Variants in FOCAD observed in about 807,000 individuals in gnomAD.
The protein encoded by FOCAD is KIAA1797.
FOCAD carries 198 observed loss-of-function variants against 225.6 expected under a neutral mutation model. The ratio of observed to expected loss-of-function variants is 0.88; its 90% CI spans 0.78 to 0.99. FOCAD has a LOEUF of 0.99. FOCAD is among the 50% of genes least tolerant of loss of function. The pLI, the probability that FOCAD is intolerant of heterozygous loss-of-function variation, is 0.00. For missense variants in FOCAD, 2,713 were observed against 2,123.6 expected (o/e 1.28, Z -5.46); for synonymous variants, 897 against 755.0 (o/e 1.19, Z -3.08).
Position 20,743,315 on chromosome 9 carries a change from A to G in FOCAD, c.392+2975A>G, listed in dbSNP as rs530683907. On this transcript the variant is annotated intron_variant, in intron 5 of 43. Coordinates refer to ENST00000338382, the MANE Select transcript of FOCAD (RefSeq NM_001375567.1). ...GCAAATAAGTGTAAGCTTTCTGAGC[A>G]TGCAGCTAATCTGTGTTTTTATGGT... is the stretch of plus-strand genomic sequence containing the variant. 7.2e-5 allele frequency among the ~76,000 whole-genome samples: 11 copies of G among 152,346 alleles called. No individual in the cohort carries two copies. The South Asian group carries it at 2.1e-3, about 29-fold the overall frequency.
intron 11 of FOCAD, among the ~76,000 whole-genome samples, chr9:20,798,444 C>G (rs573688486): frequency 6.6e-6 from 1 of 152,196 alleles, no homozygotes; most frequent in South Asian, 2.1e-4. Flanking sequence ...CCTTGTACCT[C>G]TGGTAGAATT....
chr9:20,735,355 G>C (rs1486864982), intron 4 of FOCAD, among the ~76,000 whole-genome samples: 1 of 151,576 alleles, frequency 6.6e-6, no homozygotes. Flanking sequence ...TTCTTTCAAA[G>C]CAATTGCTTT....
In FOCAD at chr9:20,866,888, CTTTTT is replaced by C. The variant is rs10629839; in HGVS notation, c.2107-16_2107-12del. 5.9e-3 allele frequency: 1,995 copies of C among 340,974 alleles called. 25 individuals carry two copies. The African/African-American group carries it at 0.061, about 11-fold the overall frequency. 21.1% of individuals were successfully genotyped at this position (340,974 alleles called of 1,614,324 possible). On this transcript the variant is annotated intron_variant, in intron 17 of 43. Transcript: ENST00000338382. ...CATGTTGTGTTTTTTTGTTTGCTTG[CTTTTT>C]TTTTTTTTTTTTTTTTTTTTTTTTA...
At chr9:20,848,679 G>T (rs1220587471) in intron 15 of FOCAD, among the ~76,000 whole-genome samples, 1 of 151,818 alleles carries the variant, frequency 6.6e-6, no homozygotes, top group Non-Finnish European at 1.5e-5. Context: ...GGTTAACCAC[G>T]GTGTATGTAT....
intron 23 of FOCAD, 102 bp downstream of exon 23, chr9:20,913,056 T>A: frequency 1.2e-6 from 1 of 854,140 alleles, no homozygotes; most frequent in East Asian, 2.7e-5. Flanking sequence ...GTTTAACCTC[T>A]ATATGTGAGC....
Position 20,969,755 on chromosome 9 carries a change from A to G in FOCAD, c.4133-6665A>G, listed in dbSNP as rs193213891. On this transcript the variant is annotated intron_variant, in intron 35 of 43. Coordinates refer to ENST00000338382, the MANE Select transcript of FOCAD (RefSeq NM_001375567.1). ...ATAACAAAAATATAATGGCTTTTAT[A>G]TTTACCTATGTAATTACCTTTACCA... 3.9e-3 allele frequency among the ~76,000 whole-genome samples: 585 copies of G among 150,904 alleles called. 6 individuals carry two copies. The highest frequency in any genetic ancestry group is 6.0e-3 in the Non-Finnish European group (407 of 67,674).
intron 11 of FOCAD, among the ~76,000 whole-genome samples, chr9:20,802,301 A>G (rs1200670897): frequency 6.6e-6 from 1 of 152,130 alleles, no homozygotes; most frequent in Non-Finnish European, 1.5e-5. Context: ...AAATATATAT[A>G]TATATGACTT....
At chr9:20,948,230 T>C in intron 30 of FOCAD, 41 bp from the exon 31 acceptor site, 4 of 1,550,726 alleles carry the variant, frequency 2.6e-6, no homozygotes, top group Admixed American at 4.0e-5. Flanking sequence ...TGTGTCTTTT[T>C]TTTTTCTTTT....
At chr9:20,869,424 CTTTAAA>C (rs2131746351) in intron 18 of FOCAD, among the ~76,000 whole-genome samples, 1 of 152,210 alleles carries the variant, frequency 6.6e-6, no homozygotes, top group South Asian at 2.1e-4. Context: ...TACTGATTTT[CTTTAAA>C]TTTACTTAAA....
At chr9:20,830,007 A>G (rs1450311957) in intron 15 of FOCAD, among the ~76,000 whole-genome samples, 1 of 152,068 alleles carries the variant, frequency 6.6e-6, no homozygotes, top group Non-Finnish European at 1.5e-5. Flanking sequence ...GAGGTTGACA[A>G]AAGTTGAATA....
At chr9:20,662,642 A>G (rs993900925) in intron 2 of FOCAD, among the ~76,000 whole-genome samples, 4 of 150,942 alleles carry the variant, frequency 2.7e-5, no homozygotes, top group African/African-American at 7.3e-5. Context: ...TTTTTTTTTT[A>G]GAGGTGGGGG....
intron 11 of FOCAD, among the ~76,000 whole-genome samples, chr9:20,804,040 A>G (rs1822137412): frequency 6.6e-6 from 1 of 152,106 alleles, no homozygotes; most frequent in African/African-American, 2.4e-5. Flanking sequence ...GTGGGCATTG[A>G]TTGATAATGC....
chr9:20,944,862 C>A (rs952058578), intron 29 of FOCAD, 88 bp downstream of exon 29: 4 of 1,333,826 alleles, frequency 3.0e-6, no homozygotes, highest in Non-Finnish European at 4.0e-6. Flanking sequence ...ATTTTGGTAA[C>A]CCTATAAATT....
intron 24 of FOCAD, among the ~76,000 whole-genome samples, chr9:20,922,554 A>G (rs1414447234): frequency 6.6e-6 from 1 of 152,210 alleles, no homozygotes; most frequent in African/African-American, 2.4e-5. Context: ...TCAAGTCTTC[A>G]ATTGAGACTA....
At chr9:20,961,170 G>A (rs1021044441) in intron 35 of FOCAD, among the ~76,000 whole-genome samples, 5 of 149,092 alleles carry the variant, frequency 3.4e-5, no homozygotes, top group South Asian at 2.1e-4. Flanking sequence ...CCTCCCCTCC[G>A]CTCCCCTCCT....
intron 15 of FOCAD, among the ~76,000 whole-genome samples, chr9:20,835,865 T>G (rs1825945086): frequency 2.0e-5 from 3 of 152,040 alleles, no homozygotes; most frequent in African/African-American, 4.8e-5. Flanking sequence ...TGCTATATTT[T>G]CAAAGCCAAG....
intron 20 of FOCAD, among the ~76,000 whole-genome samples, chr9:20,882,723 A>C (rs1237738541): frequency 6.6e-6 from 1 of 152,222 alleles, no homozygotes; most frequent in East Asian, 1.9e-4. Flanking sequence ...AATCATGTGG[A>C]GCAAGAGTGA....
At chr9:20,954,679 T>C (rs1837976816) in intron 35 of FOCAD, among the ~76,000 whole-genome samples, 1 of 152,238 alleles carries the variant, frequency 6.6e-6, no homozygotes, top group Non-Finnish European at 1.5e-5. Context: ...ATGTGCAGTC[T>C]TGCTGAAAGC....
chr9:20,677,468 G>A (rs538828063), intron 2 of FOCAD, among the ~76,000 whole-genome samples: 6 of 152,100 alleles, frequency 3.9e-5, no homozygotes, highest in African/African-American at 1.4e-4. Flanking sequence ...AACTATTTAT[G>A]TGATAAAGGG....
Sources: allele counts gnomAD v4.1 joint callset (sites outside exome capture counted in the v4.1 genomes callset), GRCh38; gene constraint gnomAD v4.1.1; transcripts MANE v1.5; gene names NCBI Gene and HGNC (gene_info 2026-07-23, HGNC 2026-07-21).